Variants in FNDC1 observed in about 807,000 individuals in gnomAD.
The protein encoded by FNDC1 is fibronectin type III domain containing 1, also known as fibronectin type III domain-containing protein 1.
FNDC1 carries 96 observed loss-of-function variants against 168.0 expected under a neutral mutation model. The ratio of observed to expected loss-of-function variants is 0.57; its 90% CI spans 0.48 to 0.68. The LOEUF (loss-of-function observed/expected upper bound fraction) is 0.68. FNDC1 is among the 30% of genes least tolerant of loss of function. The pLI is 0.00. For missense variants in FNDC1, 2,587 were observed against 2,482.1 expected (o/e 1.04, Z -0.90); for synonymous variants, 1,099 against 1,025.9 (o/e 1.07, Z -1.36).
chr6:159,249,744 G>T (rs1271877966), intron 16 of FNDC1, among the ~76,000 whole-genome samples: 1 of 152,218 alleles, frequency 6.6e-6, no homozygotes, highest in Non-Finnish European at 1.5e-5. Context: ...AAACTAAACT[G>T]CATTAAGTCT....
chr6:159,170,138 A>C (rs1781622277), intron 1 of FNDC1: 1 of 152,296 alleles, frequency 6.6e-6, no homozygotes, highest in Non-Finnish European at 1.5e-5. Flanking sequence ...GGGAGACCGG[A>C]GGGAGGCAGA....
chr6:159,172,884 TTGAA>T (rs1781689177), intron 1 of FNDC1, among the ~76,000 whole-genome samples: 1 of 152,194 alleles, frequency 6.6e-6, no homozygotes, highest in Admixed American at 6.5e-5. Context: ...TTGCAATAGA[TTGAA>T]TGCATAAGCA....
Position 159,234,123 on chromosome 6 carries a change from C to A in FNDC1, c.3611C>A (p.Pro1204His), listed in dbSNP as rs897799573. The A allele has an allele frequency of 1.2e-6, 2 of 1,604,194 alleles. No individual in the cohort carries two copies. Residue 1204 changes from proline (P) to histidine (H), a missense_variant, in exon 11 of 23, where the codon CCC becomes CAC. Physicochemically the swap from Pro to His is moderately conservative, Grantham distance 77. Coordinates refer to ENST00000297267, the MANE Select transcript of FNDC1 (RefSeq NM_032532.3). ...CTGTCTTCCTCTGTGCCAAAGTGGC[C>A]CTCTTCCTCCACTCCCAGGGGCGGC... ...DLLSSSVPKW[P>H]SSSTPRGGKD...
chr6:159,255,604 C>G (rs997468488), intron 17 of FNDC1, among the ~76,000 whole-genome samples: 23 of 152,178 alleles, frequency 1.5e-4, no homozygotes, highest in African/African-American at 9.7e-5. Flanking sequence ...TTTAATGAAT[C>G]AATACTTGTG....
chr6:159,188,657 C>T (rs1056927555), intron 1 of FNDC1, among the ~76,000 whole-genome samples: 6 of 151,536 alleles, frequency 4.0e-5, no homozygotes, highest in African/African-American at 1.2e-4. Context: ...GGATTACAGG[C>T]GTGAGCCACT....
At chr6:159,200,140 C>T (rs1242042484) in intron 3 of FNDC1, 58 bp downstream of exon 3, 2 of 1,232,582 alleles carry the variant, frequency 1.6e-6, no homozygotes, top group Non-Finnish European at 1.2e-6. Flanking sequence ...GGAGAGACAT[C>T]CCTCCTTGCT....
intron 18 of FNDC1, among the ~76,000 whole-genome samples, chr6:159,260,920 C>T (rs1046518537): frequency 2.4e-4 from 36 of 152,196 alleles, no homozygotes; most frequent in Non-Finnish European, 4.3e-4. Context: ...CAAAGGAACG[C>T]GTGCTCAGCA....
At chr6:159,181,865 A>G (rs1190042001) in intron 1 of FNDC1, among the ~76,000 whole-genome samples, 3 of 152,162 alleles carry the variant, frequency 2.0e-5, no homozygotes, top group Non-Finnish European at 4.4e-5. Flanking sequence ...TGGGCCGTGG[A>G]TCTGACAGCC....
chr6:159,227,837 T>A (rs418901), intron 9 of FNDC1, among the ~76,000 whole-genome samples: 58,205 of 151,864 alleles, frequency 0.38, 14,264 homozygotes, highest in East Asian at 0.73. Flanking sequence ...GTCCATGCAT[T>A]AGTCTCATAA....
chr6:159,176,210 A>G (rs1247732733), intron 1 of FNDC1, among the ~76,000 whole-genome samples: 2 of 152,162 alleles, frequency 1.3e-5, no homozygotes, highest in Admixed American at 1.3e-4. Flanking sequence ...GGATTGACCT[A>G]GATATTGTGA....
chr6:159,247,563 A>C (rs1199855743), intron 15 of FNDC1, among the ~76,000 whole-genome samples: 1 of 152,134 alleles, frequency 6.6e-6, no homozygotes, highest in Non-Finnish European at 1.5e-5. Flanking sequence ...AGCCTGGACA[A>C]CATAACAAGA....
chr6:159,184,957 T>C (rs1475140452), intron 1 of FNDC1, among the ~76,000 whole-genome samples: 1 of 151,870 alleles, frequency 6.6e-6, no homozygotes, highest in Non-Finnish European at 1.5e-5. Context: ...AGGCATTTGC[T>C]CTTTAGGGCC....
intron 7 of FNDC1, among the ~76,000 whole-genome samples, chr6:159,225,194 C>T (rs539296834): frequency 1.8e-5 from 2 of 110,806 alleles, no homozygotes; most frequent in East Asian, 4.7e-4. Context: ...CACACACACA[C>T]GCACAGTCAC....
At chr6:159,182,801 G>A (rs1401595857) in intron 1 of FNDC1, among the ~76,000 whole-genome samples, 2 of 152,206 alleles carry the variant, frequency 1.3e-5, no homozygotes, top group African/African-American at 4.8e-5. Context: ...GTCCAGTCAT[G>A]GAAATCACTG....
intron 1 of FNDC1, among the ~76,000 whole-genome samples, chr6:159,176,099 C>T (rs1453576232): frequency 1.3e-5 from 2 of 152,176 alleles, no homozygotes; most frequent in East Asian, 3.8e-4. Flanking sequence ...CACGTCCCTT[C>T]ATCTGGTTTA....
intron 18 of FNDC1, among the ~76,000 whole-genome samples, chr6:159,256,893 G>T (rs1299846450): frequency 2.6e-5 from 4 of 152,198 alleles, no homozygotes; most frequent in Admixed American, 1.3e-4. Context: ...ATTAGGGAAA[G>T]AAAAGTTGTT....
At chr6:159,171,584 CT>C (rs2114911027) in intron 1 of FNDC1, among the ~76,000 whole-genome samples, 1 of 152,338 alleles carries the variant, frequency 6.6e-6, no homozygotes, top group South Asian at 2.1e-4. Context: ...CTCCGAGGGA[CT>C]TTGCTTAAAG....
rs181187359 is a variant in FNDC1, at chr6:159,271,656, C to A, written c.*214C>A. The A allele has an allele frequency of 2.6e-3, 1,212 of 465,220 alleles. 2 individuals are homozygous for A. The highest frequency in any genetic ancestry group is 3.4e-3 in the Non-Finnish European group (869 of 255,578). 28.8% of individuals were successfully genotyped at this position (465,220 alleles called of 1,614,324 possible). ...GAACAGGATTCAGTTTTGCTGTTAA[C>A]TTTGCTTCTCTACTTTTTTTTGTTT... On this transcript the variant is annotated 3_prime_UTR_variant, in exon 23 of 23. Transcript: ENST00000297267.
At chr6:159,264,292 G>T (rs1233606368) in intron 19 of FNDC1, among the ~76,000 whole-genome samples, 1 of 152,224 alleles carries the variant, frequency 6.6e-6, no homozygotes, top group African/African-American at 2.4e-5. Context: ...TGTCACTATA[G>T]ATTAGTTTGC....
Sources: allele counts gnomAD v4.1 joint callset (sites outside exome capture counted in the v4.1 genomes callset), GRCh38; gene constraint gnomAD v4.1.1; transcripts MANE v1.5; gene names NCBI Gene and HGNC (gene_info 2026-07-23, HGNC 2026-07-21).